ASPH: variants seen among roughly 807,000 people sequenced by gnomAD.
ASPH encodes the protein aspartate beta-hydroxylase, also known as aspartyl/asparaginyl beta-hydroxylase.
Under a neutral mutation model 118.4 loss-of-function variants are expected in ASPH, and 100 were observed. The observed-to-expected ratio is 0.84, with a 90% CI of 0.72 to 1.00. The LOEUF is 1.00. Among genes scored for constraint, ASPH ranks in the 50% least tolerant of loss-of-function variants. The pLI is 0.00. For missense variants in ASPH, 920 were observed against 919.5 expected (o/e 1.00, Z -0.01); for synonymous variants, 315 against 325.6 (o/e 0.97, Z 0.35).
At chr8:61,527,686 C>CG (rs988644116) in intron 21 of ASPH, among the ~76,000 whole-genome samples, 59 of 152,058 alleles carry the variant, frequency 3.9e-4, no homozygotes, top group African/African-American at 1.3e-3. Context: ...GGAAGGGTGG[C>CG]GGGGGGAAGG....
At chr8:61,578,366 C>A (rs541895068) in intron 15 of ASPH, 1 of 1,606,800 alleles carries the variant, frequency 6.2e-7, no homozygotes, top group African/African-American at 1.3e-5. Flanking sequence ...TTCGGGGTGG[C>A]CTGGGAGGCG....
At chr8:61,561,123 G>T (rs1829785466) in intron 18 of ASPH, among the ~76,000 whole-genome samples, 2 of 133,568 alleles carry the variant, frequency 1.5e-5, no homozygotes, top group East Asian at 2.4e-4. Context: ...AGGGAGGGAG[G>T]GAGGGAGGGA....
rs1194598884 is a variant in ASPH, at chr8:61,646,898, G to T, written c.491-20C>A. 8 of 1,613,224 alleles carry T rather than the reference G, an allele frequency of 5.0e-6. No homozygotes were observed. The highest frequency in any genetic ancestry group is 6.8e-6 in the Non-Finnish European group (8 of 1,179,590). On this transcript the variant is annotated intron_variant, in intron 5 of 24. Transcript: ENST00000379454. ...CCTCAACTATGACAATGAACAAAGT[G>T]ACACTGGCAACATACAACTGAGACA... is the stretch of plus-strand genomic sequence containing the variant.
At chr8:61,558,976 C>A (rs533961927) in intron 18 of ASPH, among the ~76,000 whole-genome samples, 2 of 152,180 alleles carry the variant, frequency 1.3e-5, no homozygotes, top group South Asian at 4.1e-4. Flanking sequence ...TAATCATCCA[C>A]TTCCTCTTAA....
At chr8:61,655,144 T>C (rs552016680) in intron 3 of ASPH, among the ~76,000 whole-genome samples, 8 of 152,318 alleles carry the variant, frequency 5.3e-5, no homozygotes, top group African/African-American at 1.7e-4. Context: ...CACATAGCAA[T>C]TGCTCAATGA....
chr8:61,698,916 T>C (rs369664564), intron 1 of ASPH, among the ~76,000 whole-genome samples: 4 of 152,190 alleles, frequency 2.6e-5, no homozygotes, highest in African/African-American at 9.6e-5. Context: ...AAAAATTGCA[T>C]AAACAATTAA....
intron 13 of ASPH, among the ~76,000 whole-genome samples, chr8:61,622,189 T>A (rs2150548308): frequency 6.6e-6 from 1 of 152,104 alleles, no homozygotes; most frequent in African/African-American, 2.4e-5. Context: ...AATACAAAAA[T>A]TAGCTGGGCG....
At chr8:61,685,840 G>A (rs184818324) in intron 1 of ASPH, among the ~76,000 whole-genome samples, 5 of 150,384 alleles carry the variant, frequency 3.3e-5, no homozygotes, top group Admixed American at 2.0e-4. Context: ...CCAGGCTGTA[G>A]TGCACTAGCA....
At chr8:61,620,396 C>T (rs747280872) in intron 13 of ASPH, among the ~76,000 whole-genome samples, 1 of 123,942 alleles carries the variant, frequency 8.1e-6, no homozygotes, top group Admixed American at 8.6e-5. Context: ...AAGAGAAGTG[C>T]CAGTCTTGAC....
intron 10 of ASPH, among the ~76,000 whole-genome samples, chr8:61,640,930 T>C (rs1179668241): frequency 6.6e-6 from 1 of 152,250 alleles, no homozygotes; most frequent in African/African-American, 2.4e-5. Context: ...GAATATATTC[T>C]ATTCTCCCAT....
At chr8:61,663,647 A>C in intron 3 of ASPH, 1 of 985,296 alleles carries the variant, frequency 1.0e-6, no homozygotes, top group Non-Finnish European at 1.2e-6. Flanking sequence ...AATGTGTAAA[A>C]ATGGCAAAAT....
chr8:61,599,351 AG>A (rs1843287127), intron 14 of ASPH, among the ~76,000 whole-genome samples: 1 of 152,136 alleles, frequency 6.6e-6, no homozygotes, highest in Non-Finnish European at 1.5e-5. Flanking sequence ...GGATAGCATT[AG>A]GAGATATACC....
chr8:61,667,231 C>T (rs1046320329), intron 3 of ASPH, among the ~76,000 whole-genome samples: 1 of 152,112 alleles, frequency 6.6e-6, no homozygotes, highest in African/African-American at 2.4e-5. Context: ...TATATAGAGG[C>T]ATGCACATCC....
chr8:61,560,688 T>G (rs1829497180), intron 18 of ASPH, among the ~76,000 whole-genome samples: 2 of 152,186 alleles, frequency 1.3e-5, no homozygotes, highest in Non-Finnish European at 2.9e-5. Flanking sequence ...GATGAGATTA[T>G]GATATAAAAT....
intron 1 of ASPH, among the ~76,000 whole-genome samples, chr8:61,713,644 T>C (rs1838623845): frequency 6.6e-6 from 1 of 152,206 alleles, no homozygotes; most frequent in African/African-American, 2.4e-5. Flanking sequence ...CGATTTTTAT[T>C]TTAAGTAAAA....
chr8:61,695,640 T>TA (rs1298213693), intron 1 of ASPH, among the ~76,000 whole-genome samples: 1 of 152,216 alleles, frequency 6.6e-6, no homozygotes, highest in African/African-American at 2.4e-5. Flanking sequence ...CACTGCTACT[T>TA]AGACAACTAT....
rs111325978 is a variant in ASPH, at chr8:61,587,205, A to G, written c.977-3176T>C. Among the ~76,000 whole-genome samples the G allele has an allele frequency of 7.7e-3, 1,180 of 152,328 alleles. 13 individuals carry two copies. The highest frequency in any genetic ancestry group is 0.026 in the African/African-American group (1,090 of 41,556). ...CCTAATCCCTGTAATGTTGAAAGCTATATGTGTCTAAGGCAGAGACTGAAA... is the reference window on the plus strand; with the variant it reads ...CCTAATCCCTGTAATGTTGAAAGCTGTATGTGTCTAAGGCAGAGACTGAAA... On this transcript the variant is annotated intron_variant, in intron 14 of 24. Transcript: ENST00000379454.
At chr8:61,581,853 G>A (rs1019513454) in intron 15 of ASPH, among the ~76,000 whole-genome samples, 2 of 152,106 alleles carry the variant, frequency 1.3e-5, no homozygotes, top group African/African-American at 4.8e-5. Flanking sequence ...TCCAGAGGTA[G>A]GAAAGCATTT....
At chr8:61,632,528 C>T in intron 13 of ASPH, 1 of 224,128 alleles carries the variant, frequency 4.5e-6, no homozygotes, top group South Asian at 5.8e-5. Context: ...ATATCAGCTG[C>T]CCTTGCCCTG....
Sources: allele counts gnomAD v4.1 joint callset (sites outside exome capture counted in the v4.1 genomes callset), GRCh38; gene constraint gnomAD v4.1.1; transcripts MANE v1.5; gene names NCBI Gene and HGNC (gene_info 2026-07-23, HGNC 2026-07-21).